SORCS1: variants seen among roughly 807,000 people sequenced by gnomAD.
The protein encoded by SORCS1 is VPS10 domain-containing receptor SorCS1.
A neutral mutation model predicts 146.1 loss-of-function variants in SORCS1; 60 were observed. The ratio of observed to expected loss-of-function variants is 0.41; its 90% CI spans 0.33 to 0.51. The LOEUF is 0.51. SORCS1 is among the 20% of genes least tolerant of loss of function. The pLI, the probability that SORCS1 is intolerant of heterozygous loss-of-function variation, is 0.21. For missense variants in SORCS1, 1,352 were observed against 1,487.6 expected (o/e 0.91, Z 1.50); for synonymous variants, 637 against 584.0 (o/e 1.09, Z -1.31).
At chr10:106,702,570 C>T (rs1413937159) in intron 8 of SORCS1, among the ~76,000 whole-genome samples, 1 of 152,194 alleles carries the variant, frequency 6.6e-6, no homozygotes, top group Non-Finnish European at 1.5e-5. Flanking sequence ...GAACTAATCA[C>T]ACAATGATAA....
At chr10:107,137,517 A>G (rs1967412619) in intron 1 of SORCS1, among the ~76,000 whole-genome samples, 2 of 152,226 alleles carry the variant, frequency 1.3e-5, no homozygotes, top group South Asian at 4.1e-4. Context: ...TTACAAGAAT[A>G]TTCATAGCAA....
chr10:107,169,227 T>A (rs140973305), upstream of SORCS1, among the ~76,000 whole-genome samples: 22 of 152,316 alleles, frequency 1.4e-4, no homozygotes, highest in African/African-American at 5.1e-4. Flanking sequence ...GTTCTCAAAA[T>A]ATTTGGCTCC....
chr10:106,615,834 T>C (rs1847324611), intron 21 of SORCS1, among the ~76,000 whole-genome samples: 1 of 152,086 alleles, frequency 6.6e-6, no homozygotes, highest in Non-Finnish European at 1.5e-5. Context: ...AAAGAAATTG[T>C]AGAAAGAGGA....
the SORCS1 span, among the ~76,000 whole-genome samples, chr10:107,177,964 C>A: frequency 6.6e-6 from 1 of 151,834 alleles, no homozygotes; most frequent in Admixed American, 6.6e-5. Flanking sequence ...AACACATGGA[C>A]ACATGGAGGG....
At chr10:106,985,242 T>C (rs1825601905) in intron 1 of SORCS1, among the ~76,000 whole-genome samples, 1 of 152,222 alleles carries the variant, frequency 6.6e-6, no homozygotes, top group African/African-American at 2.4e-5. Flanking sequence ...GCAAATCATG[T>C]AGTCATAGTT....
chr10:107,012,374 C>A (rs1957730318), intron 1 of SORCS1, among the ~76,000 whole-genome samples: 1 of 152,190 alleles, frequency 6.6e-6, no homozygotes, highest in Non-Finnish European at 1.5e-5. Flanking sequence ...AAAAAATTCA[C>A]ACAGGGATGC....
intron 1 of SORCS1, among the ~76,000 whole-genome samples, chr10:106,961,372 C>G (rs1279266401): frequency 6.6e-6 from 1 of 152,152 alleles, no homozygotes; most frequent in Non-Finnish European, 1.5e-5. Flanking sequence ...CCTGAGAACA[C>G]CTTCCTGGTA....
At chr10:107,119,263 CAT>C (rs1219662790) in intron 1 of SORCS1, among the ~76,000 whole-genome samples, 1 of 152,144 alleles carries the variant, frequency 6.6e-6, no homozygotes, top group Non-Finnish European at 1.5e-5. Context: ...CTAGGATAGA[CAT>C]AGAAACAGCA....
chr10:106,928,668 A>G (rs2138553551), intron 2 of SORCS1, among the ~76,000 whole-genome samples: 1 of 152,322 alleles, frequency 6.6e-6, no homozygotes, highest in African/African-American at 2.4e-5. Context: ...AATACCCCAC[A>G]GAAGCAAAGC....
intron 17 of SORCS1, among the ~76,000 whole-genome samples, chr10:106,658,058 C>T (rs922671876): frequency 6.6e-6 from 1 of 152,076 alleles, no homozygotes; most frequent in Non-Finnish European, 1.5e-5. Context: ...TTGCCAAGGT[C>T]GTCTTAAGAT....
chr10:106,935,439 T>C (rs1953662833), intron 2 of SORCS1, among the ~76,000 whole-genome samples: 3 of 152,216 alleles, frequency 2.0e-5, no homozygotes, highest in Admixed American at 6.5e-5. Flanking sequence ...TGCAAAATGA[T>C]AGTGGGTTGA....
At chr10:106,877,431 T>A (rs1297179827) in intron 2 of SORCS1, among the ~76,000 whole-genome samples, 1 of 150,100 alleles carries the variant, frequency 6.7e-6, no homozygotes, top group South Asian at 2.1e-4. Context: ...AAAAAAAAAA[T>A]TAGTTGTGCA....
At chr10:106,727,652 A>G (rs1485089100) in intron 6 of SORCS1, among the ~76,000 whole-genome samples, 1 of 152,026 alleles carries the variant, frequency 6.6e-6, no homozygotes, top group African/African-American at 2.4e-5. Context: ...AGAACATGAT[A>G]AAGAAAAAAA....
chr10:107,156,841 C>T (rs1969322353), intron 1 of SORCS1, among the ~76,000 whole-genome samples: 1 of 152,216 alleles, frequency 6.6e-6, no homozygotes, highest in Admixed American at 6.5e-5. Context: ...CTACCCCAAG[C>T]CGCTATTGCA....
intron 2 of SORCS1, among the ~76,000 whole-genome samples, chr10:106,833,906 G>A (rs1295140614): frequency 6.6e-6 from 1 of 152,166 alleles, no homozygotes; most frequent in African/African-American, 2.4e-5. Context: ...CCATTCTCCT[G>A]CCTCAGCATC....
intron 1 of SORCS1, among the ~76,000 whole-genome samples, chr10:106,982,362 C>T (rs1956276479): frequency 6.6e-6 from 1 of 152,106 alleles, no homozygotes; most frequent in South Asian, 2.1e-4. Flanking sequence ...CTTCTGCCTT[C>T]CATGGTAAGG....
intron 14 of SORCS1, 120 bp from the exon 15 acceptor site, chr10:106,673,105 T>C (rs1851730758): frequency 2.8e-6 from 2 of 721,544 alleles, no homozygotes; most frequent in Admixed American, 5.7e-5. Flanking sequence ...TCATATCATT[T>C]AATCCTCAAA....
At chr10:106,721,654 G>A (rs1015792981) in intron 6 of SORCS1, among the ~76,000 whole-genome samples, 4 of 152,280 alleles carry the variant, frequency 2.6e-5, no homozygotes, top group African/African-American at 9.6e-5. Context: ...ACTATTTATT[G>A]TTGCAAATAT....
intron 3 of SORCS1, among the ~76,000 whole-genome samples, chr10:106,803,837 AT>A (rs1376694231): frequency 6.6e-6 from 1 of 152,172 alleles, no homozygotes; most frequent in African/African-American, 2.4e-5. Flanking sequence ...GCAGCAGAGA[AT>A]TTCTGGGAAC....
Sources: gnomAD v4.1 joint callset for allele counts (sites outside exome capture counted in the v4.1 genomes callset) on GRCh38, gnomAD v4.1.1 for gene constraint, MANE v1.5 for transcripts, NCBI Gene and HGNC (gene_info 2026-07-23, HGNC 2026-07-21) for gene names.